Variants in AEBP2 observed in about 807,000 individuals in gnomAD.
AEBP2 encodes the protein AE binding protein 2, also known as zinc finger protein AEBP2.
A neutral mutation model predicts 50.8 loss-of-function variants in AEBP2; 10 were observed. The observed-to-expected ratio is 0.20, with a 90% CI of 0.12 to 0.33. AEBP2 has a LOEUF of 0.33. Ranked by LOEUF, AEBP2 falls within the 10% of genes least tolerant of loss-of-function variation. The pLI, the probability that AEBP2 is intolerant of heterozygous loss-of-function variation, is 1.00. For synonymous variants in AEBP2, 296 were observed against 261.3 expected, an observed-to-expected ratio of 1.13 and a Z score of -1.28; for missense variants, 570 against 688.0, an observed-to-expected ratio of 0.83 and a Z score of 1.92.
At chr12:19,440,534 C>A in intron 1 of AEBP2, 164 bp downstream of exon 1, 1 of 1,380,598 alleles carries the variant, frequency 7.2e-7, no homozygotes, top group Non-Finnish European at 9.4e-7. Context: ...CCGCCGCGCC[C>A]CTCTCGCAGC....
At chr12:19,483,992 G>C (rs1289863818) in intron 3 of AEBP2, among the ~76,000 whole-genome samples, 1 of 152,168 alleles carries the variant, frequency 6.6e-6, no homozygotes, top group Non-Finnish European at 1.5e-5. Context: ...TAATGTTGGA[G>C]TGTCTCCAAG....
At chr12:19,450,667 CAAAAAAAAAAAAAAG>C (rs1565708729) in intron 1 of AEBP2, among the ~76,000 whole-genome samples, 1 of 119,670 alleles carries the variant, frequency 8.4e-6, no homozygotes, top group Non-Finnish European at 1.7e-5. Context: ...CCATCTCTAC[CAAAAAAAAAAAAAAG>C]AAAAAAAAAA....
chr12:19,510,114 C>A (rs985200744), intron 5 of AEBP2, among the ~76,000 whole-genome samples: 4 of 152,006 alleles, frequency 2.6e-5, no homozygotes, highest in South Asian at 2.1e-4. Context: ...TGTGTGTAAA[C>A]CCAATGTTAA....
intron 1 of AEBP2, among the ~76,000 whole-genome samples, chr12:19,446,732 CAA>C (rs34624474): frequency 0.71 from 81,145 of 115,044 alleles, 27,835 homozygotes; most frequent in African/African-American, 0.81. Flanking sequence ...ACTCCGTTTC[CAA>C]AAAAAAAAAA....
chr12:19,514,703 G>A lies in AEBP2; in HGVS notation c.1400G>A (p.Arg467Gln), dbSNP rs1267642910. Residue 467 changes from arginine to glutamine, a missense_variant, in exon 7 of 8, where the codon CGA (arginine) becomes CAA (glutamine). Physicochemically the swap from Arg to Gln is conservative, Grantham distance 43. This residue lies in a region of AEBP2 where 184 missense variants were observed against 351.2 expected (regional missense o/e 0.52). Coordinates refer to ENST00000266508, the MANE Select transcript of AEBP2 (RefSeq NM_153207.5). The part of the protein sequence containing the change: ...LPDVWVNESE[R>Q]HQLKTKVVHL... ...GATGTGTGGGTGAATGAAAGTGAAC[G>A]ACATCAGTTAAAAACTAAAGTAGTT... The A allele has an allele frequency of 5.0e-6, 8 of 1,610,152 alleles. No homozygotes were observed. Among genetic ancestry groups the A allele is most frequent in the African/African-American group, 4.0e-5 (3 of 74,846 alleles).
chr12:19,432,469 G>A (rs1036767953), intron 1 of AEBP2, among the ~76,000 whole-genome samples: 5 of 152,100 alleles, frequency 3.3e-5, no homozygotes, highest in Non-Finnish European at 5.9e-5. Context: ...CAAGTTGGGC[G>A]GATCGCTTGA....
Position 19,440,098 on chromosome 12 carries a change from C to T in AEBP2, c.399C>T (p.Ser133=). The T allele has an allele frequency of 6.6e-7, 1 of 1,507,380 alleles. No homozygotes were observed. Among genetic ancestry groups the T allele is most frequent in the South Asian group, 1.2e-5 (1 of 81,470 alleles). 93.4% of individuals were successfully genotyped at this position (1,507,380 alleles called of 1,614,324 possible). A position where few individuals can be genotyped will look rare whatever the true frequency, so the allele number is the denominator to read the frequency against. The change falls in exon 1 of 8, where the codon AGC becomes AGT. Residue 133 remains serine (S), a synonymous_variant. Transcript: ENST00000266508. ...TGGTGGGCAGCAGCGGCGGGAGCAG[C>T]AGCGACGAGACCCGCTCGTTGAGCC... The part of the protein sequence containing the change: ...ESLVGSSGGS[S]SDETRSLSPG...
At chr12:19,411,072 A>G (rs2095739007) in intron 1 of AEBP2, among the ~76,000 whole-genome samples, 1 of 152,190 alleles carries the variant, frequency 6.6e-6, no homozygotes, top group Non-Finnish European at 1.5e-5. Context: ...ATTCACTGAA[A>G]GCTTATAGGG....
intron 1 of AEBP2, among the ~76,000 whole-genome samples, chr12:19,441,882 C>G (rs1002214025): frequency 2.6e-5 from 4 of 152,134 alleles, no homozygotes; most frequent in African/African-American, 9.7e-5. Context: ...TTCATTTACT[C>G]AGTATACACG....
chr12:19,499,702 C>T (rs1949038448), intron 4 of AEBP2, among the ~76,000 whole-genome samples: 1 of 151,370 alleles, frequency 6.6e-6, no homozygotes, highest in Non-Finnish European at 1.5e-5. Context: ...AAAATGTTCA[C>T]AAAATTTATT....
chr12:19,493,921 A>T lies in AEBP2; in HGVS notation c.1109A>T (p.Glu370Val), dbSNP rs1325768672. Residue 370 changes from glutamate (E) to valine (V), a missense_variant, in exon 4 of 8, where the codon GAA (glutamate) becomes GTA (valine). By Grantham distance (121) the Glu-to-Val change is moderately radical. Transcript: ENST00000266508. ...TCTAGCCAGCCAAAGGCCAAAGAAG[A>T]ATCTCCTTCTAAAGCTGGAATGAAC... ...KVSSQPKAKEESPSKAGMNKR... is the reference protein window; with the variant it reads ...KVSSQPKAKEVSPSKAGMNKR... 6.2e-7 allele frequency: 1 copy of T among 1,613,546 alleles called. No homozygotes were observed. The highest frequency in any genetic ancestry group is 8.5e-7 in the Non-Finnish European group (1 of 1,179,738).
intron 1 of AEBP2, among the ~76,000 whole-genome samples, chr12:19,418,389 C>CTTTTTTTTTTTTTTTT (rs372043971): frequency 1.1e-5 from 1 of 94,928 alleles, no homozygotes; most frequent in African/African-American, 4.0e-5. Flanking sequence ...CTATGCCTGG[C>CTTTTTTTTTTTTTTTT]TTTTTTTTTT....
At chr12:19,429,716 C>G (rs1212132918) in intron 1 of AEBP2, among the ~76,000 whole-genome samples, 2 of 152,150 alleles carry the variant, frequency 1.3e-5, no homozygotes, top group Non-Finnish European at 1.5e-5. Flanking sequence ...ATTTGCATTT[C>G]TCTGATGGCC....
chr12:19,436,757 G>C (rs1947865472), upstream of AEBP2, among the ~76,000 whole-genome samples: 2 of 151,676 alleles, frequency 1.3e-5, no homozygotes, highest in Admixed American at 1.3e-4. Flanking sequence ...CACCTGGCTA[G>C]TTAACAACAA....
intron 1 of AEBP2, among the ~76,000 whole-genome samples, chr12:19,428,833 A>G (rs922675945): frequency 3.9e-5 from 6 of 152,058 alleles, no homozygotes; most frequent in African/African-American, 1.4e-4. Flanking sequence ...AAAGGAAAGA[A>G]AATGTACTTT....
rs745546482 is a variant in AEBP2, at chr12:19,500,110, T to C, written c.1188T>C (p.Asp396=). The change falls in exon 5 of 8, where the codon GAT becomes GAC. Residue 396 remains aspartate, a synonymous_variant. Coordinates refer to ENST00000266508, the MANE Select transcript of AEBP2 (RefSeq NM_153207.5). ...KRRRSLPRPH[D]FFDAQTLDAI... is the part of the protein sequence containing the mutation. ...GTTGACTTTTAGCACGGCCACATGA[T>C]TTCTTCGATGCACAAACACTGGATG... is the stretch of plus-strand genomic sequence containing the variant. The C allele has an allele frequency of 7.5e-6, 12 of 1,606,520 alleles. No individual in the cohort carries two copies. Among genetic ancestry groups the C allele is most frequent in the Non-Finnish European group, 1.0e-5 (12 of 1,176,596 alleles).
intron 6 of AEBP2, 67 bp downstream of exon 6, chr12:19,512,532 C>G: frequency 3.0e-6 from 3 of 993,532 alleles, no homozygotes; most frequent in Non-Finnish European, 4.4e-6. Context: ...ATCTTACACA[C>G]AAAAATTATT....
chr12:19,489,382 C>T (rs1463778427), intron 3 of AEBP2, among the ~76,000 whole-genome samples: 1 of 152,168 alleles, frequency 6.6e-6, no homozygotes, highest in Non-Finnish European at 1.5e-5. Context: ...AGAACTCCCA[C>T]ACTATGACAA....
chr12:19,491,709 ATG>A (rs750672127), intron 3 of AEBP2, among the ~76,000 whole-genome samples: 4 of 150,912 alleles, frequency 2.7e-5, no homozygotes, highest in African/African-American at 9.8e-5. Context: ...TATAAGAAGA[ATG>A]TGTGATTTTT....
Sources: allele counts gnomAD v4.1 joint callset (sites outside exome capture counted in the v4.1 genomes callset), GRCh38; gene constraint gnomAD v4.1.1; regional missense constraint gnomAD v4.1.1; transcripts MANE v1.5; gene names NCBI Gene and HGNC (gene_info 2026-07-23, HGNC 2026-07-21).